Variants in RBM34 observed in about 807,000 individuals in gnomAD.
RBM34 encodes the protein RNA binding motif protein 34.
A neutral mutation model predicts 44.6 loss-of-function variants in RBM34; 39 were observed. The ratio of observed to expected loss-of-function variants is 0.87; its 90% CI spans 0.68 to 1.14. RBM34 has a LOEUF of 1.14. Ranked by LOEUF, RBM34 falls within the 50% of genes most tolerant of loss-of-function variation. The pLI is 0.00. For missense variants in RBM34, 572 were observed against 517.9 expected (o/e 1.10, Z -1.01); for synonymous variants, 194 against 184.0 (o/e 1.05, Z -0.44).
At chr1:235,137,801 C>T in intron 8 of RBM34, 76 bp downstream of exon 8, 1 of 1,189,170 alleles carries the variant, frequency 8.4e-7, no homozygotes, top group Non-Finnish European at 1.2e-6. Context: ...TTCCAGTCCC[C>T]TTCCAGGAAA....
At chr1:235,139,833 T>C (rs997855236) in intron 6 of RBM34, among the ~76,000 whole-genome samples, 2 of 152,182 alleles carry the variant, frequency 1.3e-5, no homozygotes, top group Non-Finnish European at 2.9e-5. Flanking sequence ...GGCTCTACGA[T>C]GGCCGAGCAC....
chr1:235,155,816 CATATACATATATATATATATATATAT>C (rs1322299402), intron 3 of RBM34, among the ~76,000 whole-genome samples: 2,853 of 72,728 alleles, frequency 0.039, 201 homozygotes, highest in African/African-American at 0.18. Flanking sequence ...TTTATACATA[CATATACATATATATATATATATATAT>C]ATATATATAT....
Position 235,160,596 on chromosome 1 carries a change from T to A in RBM34, c.280A>T (p.Ile94Phe). The A allele has an allele frequency of 6.2e-7, 1 of 1,614,088 alleles. No homozygotes were observed. Among genetic ancestry groups the A allele is most frequent in the Non-Finnish European group, 8.5e-7 (1 of 1,179,976 alleles). ...GGTTCTTGCGAAAGTGGTCTTTCAA[T>A]CTGGGATGTACTTTCTTCCTCCTCA... ...RNEEEESTSQ[I>F]ERPLSQEPAK... The change falls in exon 3 of 11, where the codon ATT (isoleucine) becomes TTT (phenylalanine). Residue 94 changes from isoleucine (I) to phenylalanine (F), a missense_variant. Transcript: ENST00000408888.
At chr1:235,142,558 G>A (rs924709950) in intron 6 of RBM34, among the ~76,000 whole-genome samples, 2 of 151,934 alleles carry the variant, frequency 1.3e-5, no homozygotes, top group Non-Finnish European at 1.5e-5. Flanking sequence ...GATTATAGGC[G>A]TGAGCCACTG....
intron 3 of RBM34, among the ~76,000 whole-genome samples, chr1:235,158,730 G>A (rs1382221120): frequency 3.3e-5 from 5 of 152,174 alleles, no homozygotes; most frequent in Non-Finnish European, 5.9e-5. Context: ...TAAGGGGCTT[G>A]AGGAGAGTGG....
chr1:235,161,006 C>T lies in RBM34; in HGVS notation c.115G>A (p.Ala39Thr). Residue 39 changes from alanine (A) to threonine (T), a missense_variant, in exon 2 of 11, where the codon GCC becomes ACC. Physicochemically the swap from Ala to Thr is moderately conservative, Grantham distance 58. Coordinates refer to ENST00000408888, the MANE Select transcript of RBM34 (RefSeq NM_015014.4). ...PPEDYRLGQVASSLFRGEHHS... is the reference protein window; with the variant it reads ...PPEDYRLGQVTSSLFRGEHHS... Reference sequence around the variant, plus strand: ...TGTTCGCCGCGAAATAAGCTACTGGCGACCTGTCCAAGCCTGTAGTCTTCC... The same window carrying T: ...TGTTCGCCGCGAAATAAGCTACTGGTGACCTGTCCAAGCCTGTAGTCTTCC... 6.2e-7 allele frequency: 1 copy of T among 1,614,140 alleles called. No individual in the cohort carries two copies. The highest frequency in any genetic ancestry group is 2.2e-5 in the East Asian group (1 of 44,874).
chr1:235,158,960 T>G (rs1662570271), intron 3 of RBM34, among the ~76,000 whole-genome samples: 1 of 145,540 alleles, frequency 6.9e-6, no homozygotes, highest in Non-Finnish European at 1.5e-5. Context: ...TCTATTTTTT[T>G]ACTAAAAAAA....
chr1:235,156,719 A>G (rs1225540084), intron 3 of RBM34: 3 of 418,994 alleles, frequency 7.2e-6, no homozygotes, highest in East Asian at 1.5e-4. Flanking sequence ...AGAAGAGCTA[A>G]TAAGAATCAT....
chr1:235,153,645 C>T (rs571028886), intron 4 of RBM34, among the ~76,000 whole-genome samples: 69 of 152,182 alleles, frequency 4.5e-4, no homozygotes, highest in African/African-American at 1.4e-3. Context: ...AAGCTGGTCT[C>T]GAACTCCCGA....
At chr1:235,156,962 A>G (rs1282826069) in intron 3 of RBM34, among the ~76,000 whole-genome samples, 6 of 152,198 alleles carry the variant, frequency 3.9e-5, no homozygotes, top group African/African-American at 1.4e-4. Flanking sequence ...GCTGACTGCT[A>G]TTACTCCTCC....
At chr1:235,147,785 C>A (rs1306922601) in intron 6 of RBM34, among the ~76,000 whole-genome samples, 2 of 152,086 alleles carry the variant, frequency 1.3e-5, no homozygotes, top group Non-Finnish European at 2.9e-5. Context: ...TGCTTATAAA[C>A]TTCATCATTT....
chr1:235,150,506 A>C (rs1229990027), intron 5 of RBM34, among the ~76,000 whole-genome samples: 1 of 152,224 alleles, frequency 6.6e-6, no homozygotes, highest in Non-Finnish European at 1.5e-5. Context: ...TTTTAGCCAC[A>C]TACTGAAAAA....
In RBM34 at chr1:235,161,026, T is replaced by C; in HGVS notation, c.95A>G (p.Asp32Gly). 6.2e-7 allele frequency: 1 copy of C among 1,613,878 alleles called. No homozygotes were observed. The highest frequency in any genetic ancestry group is 1.3e-5 in the African/African-American group (1 of 74,996). ...DDGVRGSPPE[D>G]YRLGQVASSL... ...ACTGGCGACCTGTCCAAGCCTGTAG[T>C]CTTCCGGCGGACTCCCGCGAACGCC... The change falls in exon 2 of 11, where the codon GAC becomes GGC. Residue 32 changes from aspartate (D) to glycine (G), a missense_variant. Asp to Gly is a moderately conservative substitution (Grantham distance 94). Transcript: ENST00000408888.
intron 3 of RBM34, among the ~76,000 whole-genome samples, chr1:235,157,714 A>G (rs1662510121): frequency 1.3e-5 from 2 of 152,232 alleles, no homozygotes; most frequent in East Asian, 3.8e-4. Context: ...ACACTAAGAA[A>G]GAATTGGCAA....
intron 4 of RBM34, 96 bp from the exon 5 acceptor site, chr1:235,152,861 A>C: frequency 1.0e-6 from 1 of 1,002,452 alleles, no homozygotes; most frequent in Non-Finnish European, 1.4e-6. Flanking sequence ...ATAATCCTCT[A>C]CTGCCAGGCT....
intron 3 of RBM34, among the ~76,000 whole-genome samples, chr1:235,156,235 C>T (rs1402475400): frequency 6.6e-6 from 1 of 151,732 alleles, no homozygotes; most frequent in Non-Finnish European, 1.5e-5. Flanking sequence ...AACTCCTAAG[C>T]TCAAGCCATT....
chr1:235,158,305 T>C (rs1343231425), intron 3 of RBM34, among the ~76,000 whole-genome samples: 1 of 151,402 alleles, frequency 6.6e-6, no homozygotes, highest in Admixed American at 6.6e-5. Flanking sequence ...TAATCCCAGC[T>C]ACTCAGGAGG....
rs780840491 is a variant in RBM34 at position 235,135,761 on chromosome 1, T to C, written c.899A>G (p.Glu300Gly). 2.5e-6 allele frequency: 4 copies of C among 1,613,270 alleles called. No homozygotes were observed. The highest frequency in any genetic ancestry group is 3.3e-5 in the Admixed American group (2 of 59,988). ...CAGAAAGTGCTTCTCAATGGCAGAT[T>C]CTTCAACTTCTGAAAACAAATTCAA... ...FVGNLPYKVE[E>G]SAIEKHFLDC... Residue 300 changes from glutamate to glycine, a missense_variant, in exon 10 of 11, where the codon GAA (glutamate) becomes GGA (glycine). By Grantham distance (98) the Glu-to-Gly change is moderately conservative. Coordinates refer to ENST00000408888, the MANE Select transcript of RBM34 (RefSeq NM_015014.4).
At chr1:235,158,779 G>A (rs533999411) in intron 3 of RBM34, among the ~76,000 whole-genome samples, 5 of 152,074 alleles carry the variant, frequency 3.3e-5, no homozygotes, top group Non-Finnish European at 1.5e-5. Context: ...CTAGGTACAC[G>A]TGATGGGATC....
Sources: gnomAD v4.1 joint callset for allele counts (sites outside exome capture counted in the v4.1 genomes callset) on GRCh38, gnomAD v4.1.1 for gene constraint, MANE v1.5 for transcripts, NCBI Gene and HGNC (gene_info 2026-07-23, HGNC 2026-07-21) for gene names.